The following BAIAP2 variants were observed in gnomAD, a reference collection of about 807,000 sequenced individuals.
BAIAP2 encodes the protein BAR/IMD domain-containing adapter protein 2.
Under a neutral mutation model 63.0 loss-of-function variants are expected in BAIAP2, and 18 were observed. The ratio of observed to expected loss-of-function variants is 0.29; its 90% CI spans 0.20 to 0.42. BAIAP2 has a LOEUF of 0.42. Ranked by LOEUF, BAIAP2 falls within the 10% of genes least tolerant of loss-of-function variation. The pLI is 1.00. For synonymous variants in BAIAP2, 386 were observed against 307.6 expected (o/e 1.25, Z -2.67); for missense variants, 610 against 734.3 (o/e 0.83, Z 1.96).
Position 81,115,872 on chromosome 17 carries a change from C to T in BAIAP2, c.*33C>T, listed in dbSNP as rs774709212. ...ATCTGCAGTGCTGCCCATCTGGTGG[C>T]TTCCCCCGCCCTTCCCATGTAGCCT... On this transcript the variant is annotated 3_prime_UTR_variant, in exon 14 of 14. Coordinates refer to ENST00000428708, the MANE Select transcript of BAIAP2 (RefSeq NM_001144888.2). 11 of 1,611,758 alleles carry T rather than the reference C, an allele frequency of 6.8e-6. No individual in the cohort carries two copies. The South Asian group carries it at 1.1e-4, about 16-fold the overall frequency.
chr17:81,068,721 T>C (rs2144714626), intron 3 of BAIAP2, among the ~76,000 whole-genome samples: 1 of 152,180 alleles, frequency 6.6e-6, no homozygotes, highest in African/African-American at 2.4e-5. Context: ...CGGTGGCTCC[T>C]TGGTTGTGAC....
intron 3 of BAIAP2, among the ~76,000 whole-genome samples, chr17:81,061,022 G>A (rs1000789619): frequency 6.6e-6 from 1 of 152,230 alleles, no homozygotes; most frequent in African/African-American, 2.4e-5. Flanking sequence ...TACTAGGGAG[G>A]CTGAGACAGG....
chr17:81,101,664 A>G (rs1344827989), intron 7 of BAIAP2, among the ~76,000 whole-genome samples: 5 of 152,182 alleles, frequency 3.3e-5, no homozygotes, highest in African/African-American at 1.2e-4. Flanking sequence ...CGTGATACAG[A>G]ACCAGTGCTC....
At chr17:81,067,775 G>C (rs2051774390) in intron 3 of BAIAP2, among the ~76,000 whole-genome samples, 1 of 152,232 alleles carries the variant, frequency 6.6e-6, no homozygotes, top group Non-Finnish European at 1.5e-5. Context: ...CACAGCGTCA[G>C]GCCTCAGCCG....
rs539313380 is a variant in BAIAP2 at position 81,035,176 on chromosome 17, G to C, written c.-79G>C. The C allele has an allele frequency of 2.4e-6, 3 of 1,247,012 alleles. No individual in the cohort carries two copies. The highest frequency in any genetic ancestry group is 1.6e-5 in the South Asian group (1 of 63,920). 77.2% of individuals were successfully genotyped at this position (1,247,012 alleles called of 1,614,324 possible). A position where few individuals can be genotyped will look rare whatever the true frequency, so the allele number is the denominator to read the frequency against. On this transcript the variant is annotated 5_prime_UTR_variant, in exon 1 of 14. Coordinates refer to ENST00000428708, the MANE Select transcript of BAIAP2 (RefSeq NM_001144888.2). The stretch of plus-strand genomic sequence containing the variant: ...GTGGTTCGGGTCCGCTTTCGTCTCC[G>C]TCCTGCTGCCGTTACCGCCGCTGCT...
In BAIAP2 at chr17:81,057,986, C is replaced by T. The variant is rs75158641; in HGVS notation, c.217+19C>T. 4.5e-5 allele frequency: 54 copies of T among 1,204,426 alleles called. 2 individuals carry two copies. In the South Asian group the frequency reaches 8.4e-4, roughly 19 times the overall value. 74.6% of individuals were successfully genotyped at this position (1,204,426 alleles called of 1,614,324 possible). A position where few individuals can be genotyped will look rare whatever the true frequency, so the allele number is the denominator to read the frequency against. ...GAACTCGGTGAGACCCCCCCCCCCC[C>T]CCCGCCTGGTAGTCGCCTGATGCCC... is the stretch of plus-strand genomic sequence containing the variant. On this transcript the variant is annotated intron_variant, in intron 3 of 13. Transcript: ENST00000428708.
At chr17:81,081,822 G>A (rs1162403085) in intron 3 of BAIAP2, among the ~76,000 whole-genome samples, 1 of 152,206 alleles carries the variant, frequency 6.6e-6, no homozygotes, top group African/African-American at 2.4e-5. Context: ...CCTGACCGCA[G>A]TGCAGCCCCA....
intron 6 of BAIAP2, among the ~76,000 whole-genome samples, chr17:81,098,824 G>C (rs1324493785): frequency 6.6e-6 from 1 of 152,218 alleles, no homozygotes; most frequent in Non-Finnish European, 1.5e-5. Flanking sequence ...CTGACCGCCG[G>C]GTCAGGGTGG....
At chr17:81,071,046 T>C (rs1380794266) in intron 3 of BAIAP2, among the ~76,000 whole-genome samples, 3 of 151,944 alleles carry the variant, frequency 2.0e-5, no homozygotes, top group African/African-American at 7.3e-5. Context: ...TTCAGAACTG[T>C]GTGTGGGGAA....
At chr17:81,101,893 C>T (rs1327638759) in intron 7 of BAIAP2, among the ~76,000 whole-genome samples, 1 of 152,254 alleles carries the variant, frequency 6.6e-6, no homozygotes, top group African/African-American at 2.4e-5. Flanking sequence ...GAGCGCAGGC[C>T]TCCCGCCTGC....
At chr17:81,045,098 C>T (rs549096922) in intron 1 of BAIAP2, among the ~76,000 whole-genome samples, 22 of 152,320 alleles carry the variant, frequency 1.4e-4, no homozygotes, top group African/African-American at 5.1e-4. Flanking sequence ...CTGCGTGGGC[C>T]GGGTCATGGT....
intron 3 of BAIAP2, among the ~76,000 whole-genome samples, chr17:81,059,843 C>T (rs1418236545): frequency 1.3e-5 from 2 of 152,210 alleles, no homozygotes; most frequent in East Asian, 3.9e-4. Flanking sequence ...TGAGGGTCTG[C>T]CCGTGGGGAA....
intron 6 of BAIAP2, among the ~76,000 whole-genome samples, chr17:81,092,474 G>A (rs1468864262): frequency 4.6e-5 from 7 of 152,228 alleles, no homozygotes; most frequent in African/African-American, 1.7e-4. Context: ...GAGGCAGGCA[G>A]AGTGGATTTC....
In BAIAP2 at chr17:81,103,656, T is replaced by C. The variant is rs752268332; in HGVS notation, c.797T>C (p.Val266Ala). The C allele has an allele frequency of 3.2e-5, 52 of 1,603,700 alleles. No individual in the cohort carries two copies. The highest frequency in any genetic ancestry group is 4.2e-5 in the Non-Finnish European group (49 of 1,176,666). The change falls in exon 8 of 14, where the codon GTC becomes GCC. Residue 266 changes from valine to alanine, a missense_variant. By Grantham distance (64) the Val-to-Ala change is moderately conservative (BLOSUM62 0). Coordinates refer to ENST00000428708, the MANE Select transcript of BAIAP2 (RefSeq NM_001144888.2). ...SALSASKSNL[V>A]ISDPIPGAKP... Reference sequence around the variant, plus strand: ...CTGTCGGCCTCCAAGTCCAACCTGGTCATTTCCGACCCCATTCCGGGGGCC... The same window carrying C: ...CTGTCGGCCTCCAAGTCCAACCTGGCCATTTCCGACCCCATTCCGGGGGCC...
rs2059836589 is a variant in BAIAP2 at position 81,110,826 on chromosome 17, G to A, written c.1535+2317G>A. ...AGTGCTCCAGGGTTCTAGGTCTCCT[G>A]GCAGCTCGCCCGTGGTCCCCCCTCC... is the stretch of plus-strand genomic sequence containing the variant. On this transcript the variant is annotated intron_variant, in intron 13 of 13. Coordinates refer to ENST00000428708, the MANE Select transcript of BAIAP2 (RefSeq NM_001144888.2). 3.2e-6 allele frequency: 5 copies of A among 1,539,638 alleles called. No homozygotes were observed. The East Asian group carries it at 1.1e-4, about 35-fold the overall frequency.
chr17:81,051,298 G>C (rs901538776), intron 1 of BAIAP2, among the ~76,000 whole-genome samples: 1 of 152,178 alleles, frequency 6.6e-6, no homozygotes, highest in African/African-American at 2.4e-5. Flanking sequence ...TGACATCCCA[G>C]AGCCTCTGAT....
chr17:81,052,843 C>A (rs886705801), intron 1 of BAIAP2, among the ~76,000 whole-genome samples: 1 of 152,180 alleles, frequency 6.6e-6, no homozygotes, highest in Non-Finnish European at 1.5e-5. Flanking sequence ...GGCTTCCCTT[C>A]CTGTGATCCT....
Position 81,116,601 on chromosome 17 carries a change from T to G in BAIAP2, c.*762T>G. ...GAGTGCCCGCTGGCAGGTGGGGGCTTCCCCGCTTCCGGGGTCTGCCCCAGG... is the reference window on the plus strand; with the variant it reads ...GAGTGCCCGCTGGCAGGTGGGGGCTGCCCCGCTTCCGGGGTCTGCCCCAGG... On this transcript the variant is annotated 3_prime_UTR_variant, in exon 14 of 14. Coordinates refer to ENST00000428708, the MANE Select transcript of BAIAP2 (RefSeq NM_001144888.2). 2.2e-6 allele frequency: 1 copy of G among 448,630 alleles called. No homozygotes were observed. The highest frequency in any genetic ancestry group is 4.1e-6 in the Non-Finnish European group (1 of 244,248). The allele number at this position is 448,630 out of a possible 1,614,324, so 27.8% of individuals were successfully genotyped here. A position where few individuals can be genotyped will look rare whatever the true frequency, so the allele number is the denominator to read the frequency against.
chr17:81,108,437 C>T (rs746392897), intron 12 of BAIAP2, 38 bp from the exon 13 acceptor site: 102 of 1,611,620 alleles, frequency 6.3e-5, no homozygotes, highest in South Asian at 5.2e-4. Flanking sequence ...CCACAGGCCC[C>T]GTCACCCGGC....
Sources: allele counts gnomAD v4.1 joint callset (sites outside exome capture counted in the v4.1 genomes callset), GRCh38; gene constraint gnomAD v4.1.1; transcripts MANE v1.5; gene names NCBI Gene and HGNC (gene_info 2026-07-23, HGNC 2026-07-21).